The following SCT variants were observed in gnomAD, a reference collection of about 807,000 sequenced individuals.
SCT encodes the protein prepro-secretin.
A neutral mutation model predicts 10.9 loss-of-function variants in SCT; 17 were observed. The observed-to-expected ratio is 1.55, with a 90% confidence interval of 1.06 to 2.33. SCT has a LOEUF of 2.33. SCT is among the 30% of genes most tolerant of loss of function. The probability of loss-of-function intolerance (pLI) is 0.00; values close to 1 mark genes in which losing one functional copy is unlikely to be tolerated. For missense variants in SCT, 230 were observed against 165.9 expected (o/e 1.39, Z -2.12); for synonymous variants, 96 against 73.9 (o/e 1.30, Z -1.54).
chr11:626,371 C>A lies in SCT; in HGVS notation c.*60G>T. The A allele has an allele frequency of 7.7e-7, 1 of 1,299,658 alleles. No individual in the cohort carries two copies. Among genetic ancestry groups the A allele is most frequent in the Non-Finnish European group, 1.1e-6 (1 of 922,560 alleles). The allele number at this position is 1,299,658 out of a possible 1,614,324, so 80.5% of individuals were successfully genotyped here. On this transcript the variant is annotated 3_prime_UTR_variant, in exon 4 of 4. Coordinates refer to ENST00000176195, the MANE Select transcript of SCT (RefSeq NM_021920.4). ...ACCCCTCCCCCTCTCCCCCATCCTG[C>A]CCCCCACCCCAAATGCAGCTGCGCT...
rs1857793171 is a variant in SCT, at chr11:627,075, G to C, written c.69C>G (p.Pro23=). ...LGGSAARPAP[P]RARRHSDGTF... is the part of the protein sequence containing the mutation. ...GGCGGGCCTGGCGGGCGGCTCACCT[G>C]GGGGGCGCGGGGCGCGCGGCGGAGC... Residue 23 remains proline (P), a splice_region_variant and synonymous_variant, in exon 1 of 4, where the codon CCC becomes CCG. Coordinates refer to ENST00000176195, the MANE Select transcript of SCT (RefSeq NM_021920.4). 2.6e-6 allele frequency: 3 copies of C among 1,137,000 alleles called. No individual in the cohort carries two copies. Among genetic ancestry groups the C allele is most frequent in the African/African-American group, 1.6e-5 (1 of 61,096 alleles). The allele number at this position is 1,137,000 out of a possible 1,614,324, so 70.4% of individuals were successfully genotyped here. A position where few individuals can be genotyped will look rare whatever the true frequency, so the allele number is the denominator to read the frequency against.
In SCT at chr11:627,052, CG is replaced by C. The variant is rs1564906835; in HGVS notation, c.71+20del. 1 of 971,342 alleles carries C rather than the reference CG, an allele frequency of 1.0e-6. No homozygotes were observed. Among genetic ancestry groups the C allele is most frequent in the African/African-American group, 1.8e-5 (1 of 56,482 alleles). The allele number at this position is 971,342 out of a possible 1,614,324, so 60.2% of individuals were successfully genotyped here. On this transcript the variant is annotated intron_variant, in intron 1 of 3. Coordinates refer to ENST00000176195, the MANE Select transcript of SCT (RefSeq NM_021920.4). Reference sequence around the variant, plus strand: ...GGGCGGGTGGGGCCCGGGGGGCGGGCGGGCCTGGCGGGCGGCTCACCTGGGG... The same window carrying C: ...GGGCGGGTGGGGCCCGGGGGGCGGGCGGCCTGGCGGGCGGCTCACCTGGGG...
At chr11:626,862 G>A (rs2133232203) in intron 2 of SCT, 26 bp downstream of exon 2, 2 of 1,543,354 alleles carry the variant, frequency 1.3e-6, no homozygotes, top group African/African-American at 1.4e-5. Context: ...CACCACGCCA[G>A]GACCCCCCAC....
At position 626,393 on chromosome 11, in the gene SCT, C is replaced by T. The variant is rs778866003; in HGVS notation, c.*38G>A. 76 of 1,477,958 alleles carry T rather than the reference C, an allele frequency of 5.1e-5. No homozygotes were observed. Among genetic ancestry groups the T allele is most frequent in the South Asian group, 6.1e-5 (5 of 82,136 alleles). 91.6% of individuals were successfully genotyped at this position (1,477,958 alleles called of 1,614,324 possible). On this transcript the variant is annotated 3_prime_UTR_variant, in exon 4 of 4. Transcript: ENST00000176195. Reference sequence around the variant, plus strand: ...CTGCCCCCCACCCCAAATGCAGCTGCGCTCCTGGGCCGGGCAGGTGGTGAG... The same window carrying T: ...CTGCCCCCCACCCCAAATGCAGCTGTGCTCCTGGGCCGGGCAGGTGGTGAG...
intron 3 of SCT, 27 bp from the exon 4 acceptor site, chr11:626,557 AGGGCTG>A: frequency 6.5e-7 from 1 of 1,537,054 alleles, no homozygotes; most frequent in South Asian, 1.2e-5. Flanking sequence ...TGAGGGTCTG[AGGGCTG>A]GGGCTGGAGA....
rs1297649073 is a variant in SCT at position 627,074 on chromosome 11, T to TG, written c.69dup (p.Arg24GlnfsTer?). On this transcript the variant is annotated frameshift_variant and splice_region_variant, in exon 1 of 4. Coordinates refer to ENST00000176195, the MANE Select transcript of SCT (RefSeq NM_021920.4). LOFTEE classifies it high-confidence loss of function. Reference sequence around the variant, plus strand: ...GGGCGGGCCTGGCGGGCGGCTCACCTGGGGGGCGCGGGGCGCGCGGCGGAG... The same window carrying TG: ...GGGCGGGCCTGGCGGGCGGCTCACCTGGGGGGGCGCGGGGCGCGCGGCGGAG... 3.5e-5 allele frequency: 39 copies of TG among 1,126,048 alleles called. No homozygotes were observed. Among genetic ancestry groups the TG allele is most frequent in the Non-Finnish European group, 4.1e-5 (38 of 917,798 alleles). The allele number at this position is 1,126,048 out of a possible 1,614,324, so 69.8% of individuals were successfully genotyped here.
At chr11:626,588 C>A in intron 3 of SCT, 58 bp from the exon 4 acceptor site, 1 of 1,499,372 alleles carries the variant, frequency 6.7e-7, no homozygotes, top group Non-Finnish European at 9.1e-7. Context: ...GGCCCCGCTG[C>A]TGGAATTGGG....
At position 626,491 on chromosome 11, in the gene SCT, AG is replaced by A; in HGVS notation, c.305del (p.Pro102LeufsTer55). 2 of 1,561,158 alleles carry A rather than the reference AG, an allele frequency of 1.3e-6. No individual in the cohort carries two copies. Among genetic ancestry groups the A allele is most frequent in the Non-Finnish European group, 8.7e-7 (1 of 1,152,362 alleles). ...CAGCTGGTTCTGAAACCATAGGCCCAGGGGGCAGCCAGGGAGACCAGGTCCC... is the reference window on the plus strand; with the variant it reads ...CAGCTGGTTCTGAAACCATAGGCCCAGGGGCAGCCAGGGAGACCAGGTCCC... Reference protein sequence around the residue: ...LDGTWSPWLPPGPMVSEPAGA... With the variant: ...LDGTWSPWLPXGPMVSEPAGA... On this transcript the variant is annotated frameshift_variant, in exon 4 of 4. Coordinates refer to ENST00000176195, the MANE Select transcript of SCT (RefSeq NM_021920.4). LOFTEE classifies it low-confidence loss of function (END_TRUNC).
intron 3 of SCT, 75 bp downstream of exon 3, chr11:626,622 C>T: frequency 6.8e-7 from 1 of 1,476,560 alleles, no homozygotes; most frequent in Non-Finnish European, 9.2e-7. Flanking sequence ...CCAGCGCTGA[C>T]CCGGGGAGGC....
rs1857784030 is a variant in SCT at position 626,957 on chromosome 11, C to T, written c.104G>A (p.Ser35Asn). The change falls in exon 2 of 4, where the codon AGC (serine) becomes AAC (asparagine). Residue 35 changes from serine to asparagine, a missense_variant. Transcript: ENST00000176195. ...ARRHSDGTFT[S>N]ELSRLREGAR... ...GCCCTCCCGCAGGCGGCTGAGCTCGCTGGTGAACGTCCCGTCTGAGTGTCG... is the reference window on the plus strand; with the variant it reads ...GCCCTCCCGCAGGCGGCTGAGCTCGTTGGTGAACGTCCCGTCTGAGTGTCG... 6.9e-7 allele frequency: 1 copy of T among 1,444,414 alleles called. No individual in the cohort carries two copies. The highest frequency in any genetic ancestry group is 3.1e-5 in the East Asian group (1 of 32,614). The allele number at this position is 1,444,414 out of a possible 1,614,324, so 89.5% of individuals were successfully genotyped here.
At chr11:626,581 C>T in intron 3 of SCT, 51 bp from the exon 4 acceptor site, 1 of 1,507,754 alleles carries the variant, frequency 6.6e-7, no homozygotes, top group Non-Finnish European at 9.0e-7. Flanking sequence ...AGACCCCGGC[C>T]CCGCTGCTGG....
rs1857732857 is a variant in SCT at position 626,346 on chromosome 11, AC to A, written c.*84del. The stretch of plus-strand genomic sequence containing the variant: ...TCCTCCTTTATTGGTGCCAAGTACC[AC>A]CCCTCCCCCTCTCCCCCATCCTGCC... On this transcript the variant is annotated 3_prime_UTR_variant, in exon 4 of 4. Coordinates refer to ENST00000176195, the MANE Select transcript of SCT (RefSeq NM_021920.4). The A allele has an allele frequency of 1.0e-5, 10 of 989,786 alleles. No individual in the cohort carries two copies. In the South Asian group the frequency reaches 1.5e-4, roughly 15 times the overall value. 61.3% of individuals were successfully genotyped at this position (989,786 alleles called of 1,614,324 possible). A position where few individuals can be genotyped will look rare whatever the true frequency, so the allele number is the denominator to read the frequency against.
intron 1 of SCT, 40 bp downstream of exon 1, chr11:627,033 G>T: frequency 7.8e-7 from 1 of 1,278,212 alleles, no homozygotes; most frequent in Non-Finnish European, 1.0e-6. Flanking sequence ...CTGGGGGCGG[G>T]TGGGGCCCGG....
In SCT at chr11:626,489, C is replaced by A. The variant is rs1376693045; in HGVS notation, c.308G>T (p.Gly103Val). The A allele has an allele frequency of 6.4e-7, 1 of 1,560,822 alleles. No individual in the cohort carries two copies. Among genetic ancestry groups the A allele is most frequent in the African/African-American group, 1.4e-5 (1 of 73,662 alleles). Residue 103 changes from glycine (G) to valine (V), a missense_variant, in exon 4 of 4, where the codon GGG becomes GTG. By Grantham distance (109) the Gly-to-Val change is moderately radical (BLOSUM62 -3). Transcript: ENST00000176195. ...DGTWSPWLPP[G>V]PMVSEPAGAA... ...GCCAGCTGGTTCTGAAACCATAGGC[C>A]CAGGGGGCAGCCAGGGAGACCAGGT...
Position 626,966 on chromosome 11 carries a change from G to C in SCT, c.95C>G (p.Thr32Arg). The C allele has an allele frequency of 1.3e-6, 2 of 1,531,496 alleles. No individual in the cohort carries two copies. Among genetic ancestry groups the C allele is most frequent in the Non-Finnish European group, 1.7e-6 (2 of 1,144,738 alleles). 94.9% of individuals were successfully genotyped at this position (1,531,496 alleles called of 1,614,324 possible). The change falls in exon 2 of 4, where the codon ACG (threonine) becomes AGG (arginine). Residue 32 changes from threonine (T) to arginine (R), a missense_variant. By Grantham distance (71) the Thr-to-Arg change is moderately conservative. Coordinates refer to ENST00000176195, the MANE Select transcript of SCT (RefSeq NM_021920.4). ...PPRARRHSDG[T>R]FTSELSRLRE... ...CAGGCGGCTGAGCTCGCTGGTGAAC[G>C]TCCCGTCTGAGTGTCGCCGGGCCCT...
In SCT at chr11:626,872, C is replaced by T. The variant is rs1378229052; in HGVS notation, c.173+16G>A. On this transcript the variant is annotated intron_variant, in intron 2 of 3. Transcript: ENST00000176195. Reference sequence around the variant, plus strand: ...TGGGGCACCACGCCAGGACCCCCCACCCCACCCGGCCTCACCTGCGCTTCC... The same window carrying T: ...TGGGGCACCACGCCAGGACCCCCCATCCCACCCGGCCTCACCTGCGCTTCC... 3.9e-6 allele frequency: 6 copies of T among 1,544,022 alleles called. No homozygotes were observed. The highest frequency in any genetic ancestry group is 1.7e-4 in the Middle Eastern group (1 of 5,934).
Position 626,458 on chromosome 11 carries a change from A to C in SCT, c.339T>G (p.Ala113=). The change falls in exon 4 of 4, where the codon GCT becomes GCG. Residue 113 remains alanine (A), a synonymous_variant. Transcript: ENST00000176195. The stretch of plus-strand genomic sequence containing the variant: ...ATCTGGGCCGCAAGGTTCCTTCTGC[A>C]GCAGCGCCAGCTGGTTCTGAAACCA... ...GPMVSEPAGA[A]AEGTLRPR is the part of the protein sequence containing the mutation. The C allele has an allele frequency of 6.4e-7, 1 of 1,555,474 alleles. No individual in the cohort carries two copies. The highest frequency in any genetic ancestry group is 8.7e-7 in the Non-Finnish European group (1 of 1,149,180).
chr11:626,522 AG>A lies in SCT; in HGVS notation c.274del (p.Leu92TrpfsTer65). The A allele has an allele frequency of 6.4e-7, 1 of 1,558,684 alleles. No individual in the cohort carries two copies. Among genetic ancestry groups the A allele is most frequent in the Middle Eastern group, 1.7e-4 (1 of 5,878 alleles). ...NMPILQAWMPLDGTWSPWLPP... is the reference protein window; with the variant it reads ...NMPILQAWMPXDGTWSPWLPP... ...CAGCCAGGGAGACCAGGTCCCGTCCAGGGGCATCCTGCAGAGACAGCACGTG... is the reference window on the plus strand; with the variant it reads ...CAGCCAGGGAGACCAGGTCCCGTCCAGGGCATCCTGCAGAGACAGCACGTG... On this transcript the variant is annotated frameshift_variant, in exon 4 of 4. Coordinates refer to ENST00000176195, the MANE Select transcript of SCT (RefSeq NM_021920.4). LOFTEE classifies it low-confidence loss of function (END_TRUNC).
At chr11:626,560 G>A (rs1254474957) in intron 3 of SCT, 30 bp from the exon 4 acceptor site, 1 of 1,531,198 alleles carries the variant, frequency 6.5e-7, no homozygotes, top group Non-Finnish European at 8.9e-7. Context: ...GGGTCTGAGG[G>A]CTGGGGCTGG....
Sources: gnomAD v4.1 joint callset for allele counts on GRCh38, gnomAD v4.1.1 for gene constraint, MANE v1.5 for transcripts, NCBI Gene and HGNC (gene_info 2026-07-23, HGNC 2026-07-21) for gene names.